IL1RL2: variants seen among roughly 807,000 people sequenced by gnomAD.
IL1RL2 encodes interleukin-1 receptor-like 2.
IL1RL2 carries 68 observed loss-of-function variants against 66.8 expected under a neutral mutation model. That is an observed-to-expected ratio of 1.02 (90% CI 0.84 to 1.25). The LOEUF is 1.25. IL1RL2 is among the 50% of genes most tolerant of loss of function. The pLI is 0.00. For missense variants in IL1RL2, 729 were observed against 709.3 expected, an observed-to-expected ratio of 1.03 and a Z score of -0.32; for synonymous variants, 305 against 264.6, an observed-to-expected ratio of 1.15 and a Z score of -1.48.
intron 9 of IL1RL2, among the ~76,000 whole-genome samples, chr2:102,226,889 C>G (rs34365371): frequency 0.037 from 5,571 of 152,294 alleles, 191 homozygotes; most frequent in African/African-American, 0.088. Context: ...AAGCATTCAG[C>G]GGGGCCTGGG....
At chr2:102,198,527 T>C (rs1687973886) in intron 4 of IL1RL2, among the ~76,000 whole-genome samples, 1 of 152,234 alleles carries the variant, frequency 6.6e-6, no homozygotes, top group Non-Finnish European at 1.5e-5. Context: ...TTCGCGCTCT[T>C]CAGTTGCTAA....
At chr2:102,211,675 C>T (rs368835821) in intron 5 of IL1RL2, among the ~76,000 whole-genome samples, 3 of 152,064 alleles carry the variant, frequency 2.0e-5, no homozygotes, top group African/African-American at 7.2e-5. Flanking sequence ...TTAATGGTTG[C>T]CATGGAACAG....
rs1675148000 is a variant in IL1RL2, at chr2:102,239,518, C to G, written c.*277C>G. On this transcript the variant is annotated 3_prime_UTR_variant, in exon 12 of 12. Coordinates refer to ENST00000264257, the MANE Select transcript of IL1RL2 (RefSeq NM_003854.4). ...GTGAGGGCTGGTCGGGGGAGGCATC[C>G]CCAAGTCATGGTGGGTGAGAGCTCG... The G allele has an allele frequency of 2.7e-6, 1 of 376,840 alleles. No individual in the cohort carries two copies. 23.3% of individuals were successfully genotyped at this position (376,840 alleles called of 1,614,324 possible). A position where few individuals can be genotyped will look rare whatever the true frequency, so the allele number is the denominator to read the frequency against.
intron 10 of IL1RL2, among the ~76,000 whole-genome samples, chr2:102,234,161 A>C (rs1674627404): frequency 6.6e-6 from 1 of 152,232 alleles, no homozygotes; most frequent in South Asian, 2.1e-4. Flanking sequence ...AATAACTATA[A>C]AGAACAAAAG....
intron 9 of IL1RL2, among the ~76,000 whole-genome samples, chr2:102,227,979 G>C (rs972483398): frequency 2.0e-5 from 3 of 152,154 alleles, no homozygotes; most frequent in Non-Finnish European, 2.9e-5. Flanking sequence ...ACGGAGTAGT[G>C]GGGGCTGGGC....
chr2:102,238,078 C>A (rs866666986), intron 11 of IL1RL2, among the ~76,000 whole-genome samples: 2 of 152,154 alleles, frequency 1.3e-5, no homozygotes, highest in Non-Finnish European at 2.9e-5. Flanking sequence ...TAGCTGTAAA[C>A]CCTCATCACT....
intron 4 of IL1RL2, among the ~76,000 whole-genome samples, chr2:102,195,627 TTC>T (rs1159940295): frequency 0.034 from 500 of 14,536 alleles, 25 homozygotes; most frequent in African/African-American, 0.073. Flanking sequence ...CTTTCTTTCT[TTC>T]TCTCTCTCTC....
rs561115894 is a variant in IL1RL2 at position 102,187,258 on chromosome 2, C to T, written c.-13+172C>T. The T allele has an allele frequency of 1.3e-5, 16 of 1,187,000 alleles. No individual in the cohort carries two copies. In the South Asian group the frequency reaches 2.3e-4, roughly 17 times the overall value. 73.5% of individuals were successfully genotyped at this position (1,187,000 alleles called of 1,614,324 possible). On this transcript the variant is annotated intron_variant, in intron 1 of 11. Transcript: ENST00000264257. ...GACCATGGGGGAGCCGACTCCGTCT[C>T]TGGGTCGAGGAGTGGAGCTCGCGGC...
At chr2:102,240,889 T>C (rs1308574858), downstream of IL1RL2, among the ~76,000 whole-genome samples, 2 of 152,254 alleles carry the variant, frequency 1.3e-5, no homozygotes, top group Admixed American at 6.5e-5. Context: ...GCTCACTGGG[T>C]GAAGGACCTT....
At chr2:102,202,954 T>C (rs1270257906) in intron 5 of IL1RL2, among the ~76,000 whole-genome samples, 2 of 152,236 alleles carry the variant, frequency 1.3e-5, no homozygotes, top group Non-Finnish European at 2.9e-5. Flanking sequence ...CCTCCTCGTG[T>C]TCCAGAACTT....
At chr2:102,230,669 G>A (rs1376455798) in intron 9 of IL1RL2, among the ~76,000 whole-genome samples, 1 of 152,174 alleles carries the variant, frequency 6.6e-6, no homozygotes, top group Non-Finnish European at 1.5e-5. Flanking sequence ...TGATGGGGTG[G>A]GGAGGCAGAC....
At position 102,234,982 on chromosome 2, in the gene IL1RL2, G is replaced by T; in HGVS notation, c.1383G>T (p.Leu461=). 6.2e-7 allele frequency: 1 copy of T among 1,614,198 alleles called. No homozygotes were observed. Among genetic ancestry groups the T allele is most frequent in the Non-Finnish European group, 8.5e-7 (1 of 1,180,042 alleles). The change falls in exon 11 of 12, where the codon CTG becomes CTT. Residue 461 remains leucine, a synonymous_variant. Transcript: ENST00000264257. ...TCCCCGAATCGCTGGGCTTTGGCCT[G>T]TTGAAGAACCTGTCAGAAGAACAAA... is the stretch of plus-strand genomic sequence containing the variant. ...IVVPESLGFG[L]LKNLSEEQIA... is the part of the protein sequence containing the mutation.
At chr2:102,227,570 G>A (rs1035121332) in intron 9 of IL1RL2, among the ~76,000 whole-genome samples, 2 of 152,152 alleles carry the variant, frequency 1.3e-5, no homozygotes, top group Non-Finnish European at 2.9e-5. Flanking sequence ...TGGGCATGGG[G>A]AGGGGGTCTC....
intron 4 of IL1RL2, among the ~76,000 whole-genome samples, chr2:102,196,330 A>G (rs1322248076): frequency 6.6e-6 from 1 of 152,174 alleles, no homozygotes; most frequent in Non-Finnish European, 1.5e-5. Context: ...CAGCAGTGTA[A>G]GCAGGAGGGG....
At chr2:102,233,553 T>C (rs1674537198) in intron 10 of IL1RL2, among the ~76,000 whole-genome samples, 1 of 152,196 alleles carries the variant, frequency 6.6e-6, no homozygotes, top group Non-Finnish European at 1.5e-5. Flanking sequence ...GCTGATTTTA[T>C]AAACCTCGAC....
chr2:102,228,992 T>G (rs1161631994), intron 9 of IL1RL2, among the ~76,000 whole-genome samples: 15 of 152,194 alleles, frequency 9.9e-5, no homozygotes. Context: ...TTTCTTCTAG[T>G]GTTTTCTATG....
intron 6 of IL1RL2, among the ~76,000 whole-genome samples, chr2:102,215,754 C>T (rs1333120495): frequency 1.3e-5 from 2 of 152,154 alleles, no homozygotes; most frequent in African/African-American, 4.8e-5. Context: ...CTCAAAGATA[C>T]TGCAGATGTG....
chr2:102,239,723 C>T lies in IL1RL2; in HGVS notation c.*482C>T, dbSNP rs13001075. The T allele has an allele frequency of 0.057, 8,829 of 153,816 alleles. 260 individuals are homozygous for T. Among genetic ancestry groups the T allele is most frequent in the Middle Eastern group, 0.2 (55 of 274 alleles). The allele number at this position is 153,816 out of a possible 1,614,324, so 9.5% of individuals were successfully genotyped here. ...GGGCGAGATCTGGGGGGTATCCCCA[C>T]GTCATGGTGGATGAGAGCTGGGGGA... On this transcript the variant is annotated 3_prime_UTR_variant, in exon 12 of 12. Coordinates refer to ENST00000264257, the MANE Select transcript of IL1RL2 (RefSeq NM_003854.4).
chr2:102,238,577 GT>G (rs1230451063), intron 11 of IL1RL2, among the ~76,000 whole-genome samples: 1 of 151,914 alleles, frequency 6.6e-6, no homozygotes, highest in African/African-American at 2.4e-5. Context: ...ACTTGGTCCT[GT>G]TTTTTATTTA....
Sources: gnomAD v4.1 joint callset for allele counts (sites outside exome capture counted in the v4.1 genomes callset) on GRCh38, gnomAD v4.1.1 for gene constraint, MANE v1.5 for transcripts, NCBI Gene and HGNC (gene_info 2026-07-23, HGNC 2026-07-21) for gene names.